DNER: variants seen among roughly 807,000 people sequenced by gnomAD.
DNER encodes the protein delta/notch like EGF repeat containing, also known as delta and Notch-like epidermal growth factor-related receptor.
Under a neutral mutation model 78.2 loss-of-function variants are expected in DNER, and 33 were observed. The observed-to-expected ratio is 0.42, with a 90% CI of 0.32 to 0.56. The LOEUF is 0.56. Ranked by LOEUF, DNER falls within the 20% of genes least tolerant of loss-of-function variation. DNER has a pLI of 0.11. For missense variants in DNER, 918 were observed against 975.3 expected (o/e 0.94, Z 0.78); for synonymous variants, 417 against 384.8 (o/e 1.08, Z -0.98).
chr2:229,633,636 G>A (rs187979449), intron 1 of DNER, among the ~76,000 whole-genome samples: 107 of 152,296 alleles, frequency 7.0e-4, no homozygotes, highest in African/African-American at 2.5e-3. Context: ...AATCTAGTCA[G>A]GCAGGCTGGA....
chr2:229,398,974 T>C (rs1221915889), intron 10 of DNER, among the ~76,000 whole-genome samples: 9 of 152,024 alleles, frequency 5.9e-5, no homozygotes, highest in Admixed American at 5.9e-4. Flanking sequence ...ACATTATCAT[T>C]AATGGTGAAA....
At position 229,358,217 on chromosome 2, in the gene DNER, T is replaced by C. The variant is rs928412665; in HGVS notation, c.*323A>G. On this transcript the variant is annotated 3_prime_UTR_variant, in exon 13 of 13. Transcript: ENST00000341772. ...CGGCACTCAAACGTCAAACAGAAAC[T>C]TCTCCTTGATTAGACTTATTCTGTA... 95 of 170,628 alleles carry C rather than the reference T, an allele frequency of 5.6e-4. No individual in the cohort carries two copies. The highest frequency in any genetic ancestry group is 8.8e-5 in the Non-Finnish European group (7 of 79,880). 10.6% of individuals were successfully genotyped at this position (170,628 alleles called of 1,614,324 possible).
chr2:229,593,469 C>G (rs6724108), intron 1 of DNER, among the ~76,000 whole-genome samples: 131,512 of 152,170 alleles, frequency 0.86, 58,650 homozygotes, highest in East Asian at 0.98. Flanking sequence ...GAAATCTAAA[C>G]TAATCTCTTC....
At chr2:229,510,350 G>A (rs1263741721) in intron 6 of DNER, among the ~76,000 whole-genome samples, 1 of 152,234 alleles carries the variant, frequency 6.6e-6, no homozygotes, top group African/African-American at 2.4e-5. Context: ...GGAGGGTCCG[G>A]GCATGGATGA....
At chr2:229,406,688 A>G (rs1267823754) in intron 10 of DNER, among the ~76,000 whole-genome samples, 1 of 152,174 alleles carries the variant, frequency 6.6e-6, no homozygotes, top group Non-Finnish European at 1.5e-5. Flanking sequence ...GACTTTGAAG[A>G]AGGACCCCAA....
intron 8 of DNER, 86 bp from the exon 9 acceptor site, chr2:229,418,316 G>A (rs1161216923): frequency 3.1e-5 from 49 of 1,560,992 alleles, no homozygotes; most frequent in Middle Eastern, 2.3e-4. Flanking sequence ...GCAGTTGGGG[G>A]TATTCATTAG....
At chr2:229,451,634 T>C (rs1454210826) in intron 7 of DNER, among the ~76,000 whole-genome samples, 1 of 152,180 alleles carries the variant, frequency 6.6e-6, no homozygotes, top group African/African-American at 2.4e-5. Flanking sequence ...GACATGAGAA[T>C]GTGAAGTAAC....
intron 11 of DNER, 33 bp from the exon 12 acceptor site, chr2:229,367,152 G>A (rs1282019975): frequency 6.2e-7 from 1 of 1,612,914 alleles, no homozygotes; most frequent in South Asian, 1.1e-5. Context: ...GGCTGGGTAT[G>A]AGTTGTCACC....
At chr2:229,426,312 G>A (rs1176029493) in intron 8 of DNER, among the ~76,000 whole-genome samples, 2 of 151,802 alleles carry the variant, frequency 1.3e-5, no homozygotes, top group African/African-American at 4.8e-5. Flanking sequence ...GTGGTGGCGG[G>A]TGCCTGTAGT....
At chr2:229,676,877 T>C (rs1018365940) in intron 1 of DNER, among the ~76,000 whole-genome samples, 3 of 152,164 alleles carry the variant, frequency 2.0e-5, no homozygotes, top group African/African-American at 7.2e-5. Context: ...CTCACAGTAA[T>C]ATACAGCCTG....
intron 1 of DNER, among the ~76,000 whole-genome samples, chr2:229,654,572 C>G (rs2154216367): frequency 6.6e-6 from 1 of 152,216 alleles, no homozygotes; most frequent in South Asian, 2.1e-4. Flanking sequence ...TTTTGTCTGC[C>G]TTGTTATCTA....
rs749691590 is a variant in DNER at position 229,515,347 on chromosome 2, A to T, written c.994-2411T>A. Among the ~76,000 whole-genome samples the T allele has an allele frequency of 2.2e-4, 34 of 152,232 alleles. 1 individual carries two copies. The highest frequency in any genetic ancestry group is 8.8e-5 in the Non-Finnish European group (6 of 68,038). The stretch of plus-strand genomic sequence containing the variant: ...GAGTCCTGTTTGGAGCTCTCTGTGC[A>T]TTGGAAGATTTGTGGCCACCTTTGA... On this transcript the variant is annotated intron_variant, in intron 5 of 12. Coordinates refer to ENST00000341772, the MANE Select transcript of DNER (RefSeq NM_139072.4).
At chr2:229,370,007 T>C (rs1692444871) in intron 11 of DNER, among the ~76,000 whole-genome samples, 2 of 152,320 alleles carry the variant, frequency 1.3e-5, no homozygotes, top group African/African-American at 2.4e-5. Context: ...GAAATGGAAA[T>C]GAGCCTGTCT....
At chr2:229,540,029 G>A (rs1343133188) in intron 5 of DNER, among the ~76,000 whole-genome samples, 3 of 151,914 alleles carry the variant, frequency 2.0e-5, no homozygotes, top group African/African-American at 7.3e-5. Flanking sequence ...TGAAGGGAAT[G>A]CAAAAAATAA....
chr2:229,612,411 T>A (rs982724790), intron 1 of DNER, among the ~76,000 whole-genome samples: 18 of 152,090 alleles, frequency 1.2e-4, no homozygotes, highest in Non-Finnish European at 2.9e-5. Context: ...AGAGAGAGAT[T>A]TACTGTAAAG....
intron 1 of DNER, among the ~76,000 whole-genome samples, chr2:229,681,048 T>C (rs894624871): frequency 6.6e-6 from 1 of 152,168 alleles, no homozygotes; most frequent in Admixed American, 6.5e-5. Context: ...GAGGCATATA[T>C]GGGGTATGCT....
chr2:229,541,978 C>T (rs914155371), intron 5 of DNER, among the ~76,000 whole-genome samples: 8 of 144,190 alleles, frequency 5.5e-5, no homozygotes, highest in African/African-American at 1.5e-4. Context: ...TAATTATATA[C>T]AATCTATATT....
intron 2 of DNER, among the ~76,000 whole-genome samples, chr2:229,589,526 A>G (rs1297711676): frequency 6.6e-6 from 1 of 152,234 alleles, no homozygotes; most frequent in Admixed American, 6.5e-5. Context: ...CCATCAGGTT[A>G]GGCATACATA....
At chr2:229,505,463 G>T (rs997721315) in intron 6 of DNER, among the ~76,000 whole-genome samples, 4 of 152,104 alleles carry the variant, frequency 2.6e-5, no homozygotes, top group African/African-American at 7.2e-5. Flanking sequence ...AGCCGGGGGG[G>T]TCCCCTGGAC....
Sources: gnomAD v4.1 joint callset for allele counts (sites outside exome capture counted in the v4.1 genomes callset) on GRCh38, gnomAD v4.1.1 for gene constraint, MANE v1.5 for transcripts, NCBI Gene and HGNC (gene_info 2026-07-23, HGNC 2026-07-21) for gene names.